The following PAPSS2 variants were observed in gnomAD, a reference collection of about 807,000 sequenced individuals.
PAPSS2 encodes the protein bifunctional 3'-phosphoadenosine 5'-phosphosulfate synthase 2.
Under a neutral mutation model 66.5 loss-of-function variants are expected in PAPSS2, and 61 were observed. That is an observed-to-expected ratio of 0.92 (90% CI 0.75 to 1.14). The LOEUF is 1.14. Ranked by LOEUF, PAPSS2 falls within the 50% of genes most tolerant of loss-of-function variation. The pLI is 0.00. For missense variants in PAPSS2, 708 were observed against 789.6 expected, an observed-to-expected ratio of 0.90 and a Z score of 1.24; for synonymous variants, 289 against 287.5, an observed-to-expected ratio of 1.01 and a Z score of -0.05.
At chr10:87,682,086 G>T (rs1312364639) in intron 1 of PAPSS2, among the ~76,000 whole-genome samples, 2 of 152,170 alleles carry the variant, frequency 1.3e-5, no homozygotes, top group Non-Finnish European at 2.9e-5. Context: ...GACTTATTTT[G>T]TTTAGAGGAA....
chr10:87,674,009 C>T (rs1852913492), intron 1 of PAPSS2, among the ~76,000 whole-genome samples: 1 of 152,090 alleles, frequency 6.6e-6, no homozygotes, highest in Non-Finnish European at 1.5e-5. Flanking sequence ...GGCCTAGAGC[C>T]AGTCCATGAA....
At chr10:87,661,324 CA>C (rs1852750131) in intron 1 of PAPSS2, among the ~76,000 whole-genome samples, 1 of 152,038 alleles carries the variant, frequency 6.6e-6, no homozygotes, top group African/African-American at 2.4e-5. Context: ...GGACATTTAT[CA>C]AAATCCAGCT....
At chr10:87,675,606 A>C (rs1852933973) in intron 1 of PAPSS2, among the ~76,000 whole-genome samples, 1 of 152,212 alleles carries the variant, frequency 6.6e-6, no homozygotes, top group South Asian at 2.1e-4. Flanking sequence ...TTATACCTGC[A>C]TGGGTTTTAT....
chr10:87,725,966 A>C (rs969041873), intron 8 of PAPSS2, among the ~76,000 whole-genome samples: 1 of 151,258 alleles, frequency 6.6e-6, no homozygotes, highest in African/African-American at 2.4e-5. Context: ...CTGGTCACAA[A>C]CTCTTGGCCT....
Position 87,745,939 on chromosome 10 carries a change from C to T in PAPSS2, c.1829C>T (p.Thr610Ile), listed in dbSNP as rs1425366983. Residue 610 changes from threonine to isoleucine, a missense_variant, in exon 13 of 13, where the codon ACA (threonine) becomes ATA (isoleucine). Transcript: ENST00000456849. The stretch of plus-strand genomic sequence containing the variant: ...GCCCCCAAAGCATGGAAGGTCCTGA[C>T]AGATTATTACAGGTCCCTGGAGAAG... ...FMAPKAWKVL[T>I]DYYRSLEKN The T allele has an allele frequency of 1.2e-6, 2 of 1,614,036 alleles. No individual in the cohort carries two copies. Among genetic ancestry groups the T allele is most frequent in the Admixed American group, 1.7e-5 (1 of 60,020 alleles).
At chr10:87,712,482 C>T (rs970554886) in intron 2 of PAPSS2, among the ~76,000 whole-genome samples, 2 of 152,278 alleles carry the variant, frequency 1.3e-5, no homozygotes, top group Admixed American at 6.5e-5. Flanking sequence ...GACAAGGCCT[C>T]GCTCTGTTAC....
In PAPSS2 at chr10:87,743,368, C is replaced by G; in HGVS notation, c.1223-5C>G. The G allele has an allele frequency of 1.2e-6, 2 of 1,613,284 alleles. No homozygotes were observed. The highest frequency in any genetic ancestry group is 1.3e-5 in the African/African-American group (1 of 75,002). ...GACCTTCCTTCTTCTGCTTTCCTCT[C>G]CCAGATGCGGTGTTTGCATTCCAGT... is the stretch of plus-strand genomic sequence containing the variant. On this transcript the variant is annotated splice_region_variant and splice_polypyrimidine_tract_variant and intron_variant, in intron 10 of 12. Coordinates refer to ENST00000456849, the MANE Select transcript of PAPSS2 (RefSeq NM_001015880.2).
At chr10:87,703,072 T>C (rs769003763) in intron 1 of PAPSS2, among the ~76,000 whole-genome samples, 3 of 152,064 alleles carry the variant, frequency 2.0e-5, no homozygotes, top group Non-Finnish European at 4.4e-5. Flanking sequence ...ACCCTGGGCT[T>C]TGTGACAAGG....
chr10:87,662,732 A>G (rs1404079097), intron 1 of PAPSS2, among the ~76,000 whole-genome samples: 1 of 152,216 alleles, frequency 6.6e-6, no homozygotes, highest in African/African-American at 2.4e-5. Context: ...GAGACACCCA[A>G]TCTGAAAACA....
In PAPSS2 at chr10:87,706,140, G is replaced by GTGTGTGTGTA. The variant is rs1304990011; in HGVS notation, c.28-3055_28-3054insGTGTGTGTAT. Among the ~76,000 whole-genome samples, 74 of 113,210 alleles carry GTGTGTGTGTA rather than the reference G, an allele frequency of 6.5e-4. 2 individuals carry two copies. The highest frequency in any genetic ancestry group is 4.4e-3 in the Middle Eastern group (1 of 226). 74.3% of individuals were successfully genotyped at this position (113,210 alleles called of 152,430 possible). A position where few individuals can be genotyped will look rare whatever the true frequency, so the allele number is the denominator to read the frequency against. ...TGTGTGTGTGTGTGTGTGTGTGTGT[G>GTGTGTGTGTA]TATATATATACCCTCTCCCTCAGAG... On this transcript the variant is annotated intron_variant, in intron 1 of 12. Coordinates refer to ENST00000456849, the MANE Select transcript of PAPSS2 (RefSeq NM_001015880.2).
Position 87,675,640 on chromosome 10 carries a change from C to T in PAPSS2, c.27+15632C>T, listed in dbSNP as rs556021996. ...ATGCTTCCCTGTGTTCCATTCATTA[C>T]GCTGCTATTCTGAATGCATCTCCTA... On this transcript the variant is annotated intron_variant, in intron 1 of 12. Transcript: ENST00000456849. 9.8e-5 allele frequency among the ~76,000 whole-genome samples: 15 copies of T among 152,328 alleles called. No individual in the cohort carries two copies. The South Asian group carries it at 2.5e-3, about 25-fold the overall frequency.
chr10:87,715,166 T>C (rs1853517863), intron 6 of PAPSS2, 68 bp downstream of exon 6: 1 of 839,554 alleles, frequency 1.2e-6, no homozygotes. Flanking sequence ...TTACAATTAC[T>C]CTTAACAATA....
At chr10:87,694,754 A>T (rs74771357) in intron 1 of PAPSS2, among the ~76,000 whole-genome samples, 36 of 152,362 alleles carry the variant, frequency 2.4e-4, no homozygotes, top group Non-Finnish European at 3.5e-4. Flanking sequence ...TATAAAAGTA[A>T]CATGATTTAA....
rs1007993223 is a variant in PAPSS2 at position 87,746,828 on chromosome 10, A to G, written c.*858A>G. ...CCAGCTGTAATAAAAAATAATTCAC[A>G]CTATCAGACTAGCAAGGCACTAGAA... is the stretch of plus-strand genomic sequence containing the variant. On this transcript the variant is annotated 3_prime_UTR_variant, in exon 13 of 13. Transcript: ENST00000456849. 2 of 152,248 alleles carry G rather than the reference A, an allele frequency of 1.3e-5. No individual in the cohort carries two copies. 9.4% of individuals were successfully genotyped at this position (152,248 alleles called of 1,614,324 possible). A position where few individuals can be genotyped will look rare whatever the true frequency, so the allele number is the denominator to read the frequency against.
intron 1 of PAPSS2, among the ~76,000 whole-genome samples, chr10:87,708,079 T>G (rs1853415079): frequency 6.6e-6 from 1 of 152,186 alleles, no homozygotes; most frequent in Admixed American, 6.5e-5. Flanking sequence ...TTTTCCCCCT[T>G]GGATCACATG....
chr10:87,714,701 T>A (rs1174882874), intron 4 of PAPSS2, 44 bp from the exon 5 acceptor site: 5 of 1,082,470 alleles, frequency 4.6e-6, no homozygotes, highest in Non-Finnish European at 7.2e-6. Flanking sequence ...AAAAGATTAT[T>A]CTGTCAATAC....
intron 7 of PAPSS2, among the ~76,000 whole-genome samples, chr10:87,716,557 G>GT (rs2131712419): frequency 6.6e-6 from 1 of 152,330 alleles, no homozygotes; most frequent in Non-Finnish European, 1.5e-5. Context: ...TGGGGAAGGA[G>GT]TAGGGGTAGA....
At chr10:87,728,921 G>A (rs10887749) in intron 9 of PAPSS2, among the ~76,000 whole-genome samples, 79,600 of 151,898 alleles carry the variant, frequency 0.52, 22,158 homozygotes, top group East Asian at 0.75. Context: ...AACACAAAAG[G>A]TCAATGGCAA....
chr10:87,713,311 G>GGAAAAAAAAAAAAAAAAAAA lies in PAPSS2; in HGVS notation c.381+1_381+2insGAAAAAAAAAAAAAAAAAAA, dbSNP rs1554865450. 1 of 439,946 alleles carries GGAAAAAAAAAAAAAAAAAAA rather than the reference G, an allele frequency of 2.3e-6. No individual in the cohort carries two copies. Among genetic ancestry groups the GGAAAAAAAAAAAAAAAAAAA allele is most frequent in the East Asian group, 7.9e-5 (1 of 12,634 alleles). 27.3% of individuals were successfully genotyped at this position (439,946 alleles called of 1,614,324 possible). On this transcript the variant is annotated splice_donor_variant, in intron 3 of 12. Transcript: ENST00000456849. LOFTEE classifies it high-confidence loss of function. ...CAGCTTTATTTCTCCATTCGCAAAGGTAAAAAAAAAAAAAAAAAAAAAAGG... is the reference window on the plus strand; with the variant it reads ...CAGCTTTATTTCTCCATTCGCAAAGGGAAAAAAAAAAAAAAAAAAATAAAAAAAAAAAAAAAAAAAAAAGG...
Sources: allele counts gnomAD v4.1 joint callset (sites outside exome capture counted in the v4.1 genomes callset), GRCh38; gene constraint gnomAD v4.1.1; transcripts MANE v1.5; gene names NCBI Gene and HGNC (gene_info 2026-07-23, HGNC 2026-07-21).